ULK4: variants seen among roughly 807,000 people sequenced by gnomAD.
The protein encoded by ULK4 is inactive serine/threonine-protein kinase ULK4.
ULK4 carries 133 observed loss-of-function variants against 160.6 expected under a neutral mutation model. The ratio of observed to expected loss-of-function variants is 0.83; its 90% CI spans 0.72 to 0.96. The LOEUF (loss-of-function observed/expected upper bound fraction) is 0.96, where lower values mean the gene tolerates loss of function less well. Ranked by LOEUF, ULK4 falls within the 40% of genes least tolerant of loss-of-function variation. The pLI is 0.00. For synonymous variants in ULK4, 534 were observed against 539.8 expected (o/e 0.99, Z 0.15); for missense variants, 1,580 against 1,499.5 (o/e 1.05, Z -0.89).
At chr3:41,634,140 T>C (rs1258450073) in intron 30 of ULK4, among the ~76,000 whole-genome samples, 2 of 152,200 alleles carry the variant, frequency 1.3e-5, no homozygotes, top group Non-Finnish European at 2.9e-5. Flanking sequence ...GGATCCTTCT[T>C]TCACCTGATG....
chr3:41,887,501 C>T (rs899486153), intron 16 of ULK4, among the ~76,000 whole-genome samples: 5 of 151,954 alleles, frequency 3.3e-5, no homozygotes, highest in Non-Finnish European at 7.4e-5. Flanking sequence ...CAAATATAAA[C>T]CAAAAAGCCT....
intron 34 of ULK4, among the ~76,000 whole-genome samples, chr3:41,449,861 C>T (rs1350992661): frequency 2.7e-5 from 4 of 147,562 alleles, no homozygotes; most frequent in Non-Finnish European, 3.0e-5. Flanking sequence ...GATGTTCAGG[C>T]GACAGCTTGG....
chr3:41,344,113 C>T (rs765568011), intron 35 of ULK4, among the ~76,000 whole-genome samples: 3 of 152,160 alleles, frequency 2.0e-5, no homozygotes, highest in Non-Finnish European at 1.5e-5. Context: ...CAGCATGGTA[C>T]TGGTACAAGA....
intron 29 of ULK4, 127 bp from the exon 30 acceptor site, chr3:41,663,826 T>A: frequency 2.7e-6 from 2 of 744,864 alleles, no homozygotes; most frequent in Non-Finnish European, 2.2e-6. Context: ...AATAAAGATT[T>A]AAGTAATTTA....
intron 21 of ULK4, among the ~76,000 whole-genome samples, chr3:41,771,417 G>C (rs1033361625): frequency 1.3e-5 from 2 of 152,080 alleles, no homozygotes; most frequent in African/African-American, 4.8e-5. Context: ...AGGAACCGTA[G>C]AATTACAAAT....
chr3:41,738,802 C>T (rs2038140076), intron 22 of ULK4, among the ~76,000 whole-genome samples: 1 of 151,912 alleles, frequency 6.6e-6, no homozygotes, highest in Admixed American at 6.6e-5. Context: ...TGAATGTGTG[C>T]CTCTCATTAT....
chr3:41,272,591 T>A (rs72861994), intron 35 of ULK4, among the ~76,000 whole-genome samples: 9,190 of 151,878 alleles, frequency 0.061, 692 homozygotes, highest in East Asian at 0.18. Flanking sequence ...GTATTTTTTT[T>A]TTTTATGTTT....
intron 32 of ULK4, among the ~76,000 whole-genome samples, chr3:41,530,713 C>T (rs1289462045): frequency 6.6e-6 from 1 of 152,184 alleles, no homozygotes; most frequent in Non-Finnish European, 1.5e-5. Flanking sequence ...ACTTGAAAAA[C>T]AACTAGAATA....
At chr3:41,746,094 C>T (rs983786145) in intron 22 of ULK4, among the ~76,000 whole-genome samples, 13 of 150,982 alleles carry the variant, frequency 8.6e-5, no homozygotes, top group African/African-American at 3.2e-4. Context: ...CCCTACAAGG[C>T]CAGAAACAAA....
At chr3:41,859,338 A>G (rs943538860) in intron 17 of ULK4, 10 of 594,100 alleles carry the variant, frequency 1.7e-5, no homozygotes, top group Non-Finnish European at 3.3e-5. Flanking sequence ...ACTGTAGAGC[A>G]CATCTTCCTC....
At chr3:41,448,753 G>C (rs114098913) in intron 34 of ULK4, among the ~76,000 whole-genome samples, 1 of 152,192 alleles carries the variant, frequency 6.6e-6, no homozygotes. Context: ...AGAACTGCCA[G>C]GGCTTGATGA....
intron 32 of ULK4, among the ~76,000 whole-genome samples, chr3:41,500,065 C>G (rs13353403): frequency 0.25 from 38,206 of 151,828 alleles, 5,020 homozygotes; most frequent in African/African-American, 0.3. Context: ...TGTACCTTCT[C>G]TCATTTTTCT....
At chr3:41,387,402 T>C (rs1367336651) in intron 35 of ULK4, among the ~76,000 whole-genome samples, 1 of 152,166 alleles carries the variant, frequency 6.6e-6, no homozygotes, top group Non-Finnish European at 1.5e-5. Context: ...CTTTAAGTTT[T>C]AGGGTACATG....
intron 17 of ULK4, among the ~76,000 whole-genome samples, chr3:41,873,324 T>C (rs1697181723): frequency 6.7e-6 from 1 of 150,348 alleles, no homozygotes; most frequent in African/African-American, 2.4e-5. Context: ...ACCTCAGGCC[T>C]CATCTTCTAT....
chr3:41,885,534 G>C (rs973647381), intron 16 of ULK4, among the ~76,000 whole-genome samples: 2 of 152,050 alleles, frequency 1.3e-5, no homozygotes, highest in African/African-American at 2.4e-5. Context: ...CATCTTTCAC[G>C]ACAGCATCTA....
At chr3:41,368,636 A>T (rs913034601) in intron 35 of ULK4, among the ~76,000 whole-genome samples, 3 of 152,178 alleles carry the variant, frequency 2.0e-5, no homozygotes, top group Admixed American at 6.5e-5. Context: ...GTAATCACAC[A>T]TCATGTGGTG....
intron 35 of ULK4, among the ~76,000 whole-genome samples, chr3:41,374,998 CAGAG>C (rs2081452722): frequency 7.0e-6 from 1 of 142,254 alleles, no homozygotes; most frequent in Admixed American, 7.0e-5. Context: ...CAGTAACAGA[CAGAG>C]AGCCAAATCA....
intron 22 of ULK4, among the ~76,000 whole-genome samples, chr3:41,722,721 G>T (rs1210799845): frequency 6.6e-6 from 1 of 152,160 alleles, no homozygotes; most frequent in South Asian, 2.1e-4. Context: ...CATTAAAATT[G>T]TTCTACTCCT....
At chr3:41,779,736 C>T (rs2039752596) in intron 21 of ULK4, among the ~76,000 whole-genome samples, 1 of 64,534 alleles carries the variant, frequency 1.5e-5, no homozygotes, top group South Asian at 5.6e-4. Flanking sequence ...ATCGCAAGAA[C>T]AAAAAACCAA....
Sources: allele counts gnomAD v4.1 joint callset (sites outside exome capture counted in the v4.1 genomes callset), GRCh38; gene constraint gnomAD v4.1.1; transcripts MANE v1.5; gene names NCBI Gene and HGNC (gene_info 2026-07-23, HGNC 2026-07-21).